The following DPYD variants were observed in gnomAD, a reference collection of about 807,000 sequenced individuals.
DPYD encodes the protein dihydropyrimidine dehydrogenase [NADP(+)].
A neutral mutation model predicts 116.2 loss-of-function variants in DPYD; 109 were observed. The observed-to-expected ratio is 0.94, with a 90% CI of 0.80 to 1.10. The LOEUF is 1.10. Among genes scored for constraint, DPYD ranks in the 50% least tolerant of loss-of-function variants. DPYD has a pLI of 0.00. For missense variants in DPYD, 1,302 were observed against 1,254.5 expected (o/e 1.04, Z -0.57); for synonymous variants, 440 against 432.0 (o/e 1.02, Z -0.23).
chr1:97,451,494 T>C (rs543274238), intron 13 of DPYD, among the ~76,000 whole-genome samples: 3 of 152,332 alleles, frequency 2.0e-5, no homozygotes, highest in South Asian at 4.1e-4. Context: ...TTTTAACTTA[T>C]AGGAATCATG....
intron 5 of DPYD, among the ~76,000 whole-genome samples, chr1:97,710,923 A>T (rs917578655): frequency 2.0e-5 from 3 of 151,564 alleles, no homozygotes; most frequent in Admixed American, 6.6e-5. Flanking sequence ...AAACAACAAT[A>T]AAAAAAACAT....
intron 18 of DPYD, among the ~76,000 whole-genome samples, chr1:97,286,314 T>A (rs996221047): frequency 3.9e-5 from 6 of 152,234 alleles, no homozygotes; most frequent in African/African-American, 1.4e-4. Flanking sequence ...GGCTTCCCTT[T>A]GTGGGTATCC....
chr1:97,665,133 A>T (rs906124779), intron 8 of DPYD, among the ~76,000 whole-genome samples: 1 of 152,140 alleles, frequency 6.6e-6, no homozygotes, highest in Non-Finnish European at 1.5e-5. Flanking sequence ...ATGGGAAAAA[A>T]GGCACAAACA....
At chr1:97,499,119 A>AT (rs952797951) in intron 13 of DPYD, among the ~76,000 whole-genome samples, 10 of 151,608 alleles carry the variant, frequency 6.6e-5, no homozygotes, top group Non-Finnish European at 1.2e-4. Flanking sequence ...CCTCTATCTG[A>AT]TTTTTCTCCC....
In DPYD at chr1:97,691,627, T is replaced by C. The variant is rs1020595974; in HGVS notation, c.762+90A>G. On this transcript the variant is annotated intron_variant, in intron 7 of 22. Coordinates refer to ENST00000370192, the MANE Select transcript of DPYD (RefSeq NM_000110.4). The stretch of plus-strand genomic sequence containing the variant: ...GATGTAGCTTTTAATTGTTCTTTCC[T>C]AAAATGCATGACATTTGCTGTTAAT... 11 of 1,151,352 alleles carry C rather than the reference T, an allele frequency of 9.6e-6. No individual in the cohort carries two copies. The African/African-American group carries it at 1.4e-4, about 14-fold the overall frequency. The allele number at this position is 1,151,352 out of a possible 1,614,324, so 71.3% of individuals were successfully genotyped here. A position where few individuals can be genotyped will look rare whatever the true frequency, so the allele number is the denominator to read the frequency against.
At chr1:97,664,640 A>G (rs947698236) in intron 8 of DPYD, among the ~76,000 whole-genome samples, 1 of 152,064 alleles carries the variant, frequency 6.6e-6, no homozygotes, top group Non-Finnish European at 1.5e-5. Flanking sequence ...TAGAGGTCTT[A>G]GTAGTCCAAA....
At chr1:97,551,008 T>A (rs1397446963) in intron 11 of DPYD, among the ~76,000 whole-genome samples, 1 of 152,132 alleles carries the variant, frequency 6.6e-6, no homozygotes, top group Middle Eastern at 3.2e-3. Flanking sequence ...GATCATAGGT[T>A]CCATGAGAAC....
At chr1:97,541,603 G>A (rs144396747) in intron 12 of DPYD, among the ~76,000 whole-genome samples, 2 of 152,204 alleles carry the variant, frequency 1.3e-5, no homozygotes, top group African/African-American at 2.4e-5. Flanking sequence ...ATATCTATAT[G>A]CTTTAAATAA....
At chr1:97,086,084 C>T (rs574880763) in intron 21 of DPYD, among the ~76,000 whole-genome samples, 4 of 152,216 alleles carry the variant, frequency 2.6e-5, no homozygotes, top group East Asian at 3.9e-4. Flanking sequence ...GACAGAGTCT[C>T]GCTCTGTTGC....
chr1:97,752,323 CAT>C (rs1212553706), intron 3 of DPYD, among the ~76,000 whole-genome samples: 57 of 143,008 alleles, frequency 4.0e-4, no homozygotes, highest in East Asian at 2.3e-3. Flanking sequence ...CACACACACA[CAT>C]ACACACATAC....
chr1:97,334,388 A>G (rs1669179293), intron 16 of DPYD, among the ~76,000 whole-genome samples: 1 of 152,180 alleles, frequency 6.6e-6, no homozygotes, highest in Non-Finnish European at 1.5e-5. Context: ...AGCATGGGGT[A>G]TGGTTGAAGT....
intron 18 of DPYD, among the ~76,000 whole-genome samples, chr1:97,300,081 T>C (rs1156308731): frequency 1.3e-5 from 2 of 152,150 alleles, no homozygotes; most frequent in African/African-American, 2.4e-5. Flanking sequence ...ATATAGTACA[T>C]ACATATTTGT....
intron 3 of DPYD, among the ~76,000 whole-genome samples, chr1:97,812,035 A>C (rs1668372133): frequency 6.6e-6 from 1 of 152,122 alleles, no homozygotes; most frequent in South Asian, 2.1e-4. Context: ...TATAGCTGTG[A>C]CTATTTTCAG....
At chr1:97,710,361 G>C (rs1335631971) in intron 5 of DPYD, among the ~76,000 whole-genome samples, 1 of 151,762 alleles carries the variant, frequency 6.6e-6, no homozygotes, top group East Asian at 1.9e-4. Flanking sequence ...GAAATACTGA[G>C]TACATACTAA....
At chr1:97,471,300 TA>T (rs77978293) in intron 13 of DPYD, among the ~76,000 whole-genome samples, 3 of 151,666 alleles carry the variant, frequency 2.0e-5, no homozygotes, top group Non-Finnish European at 2.9e-5. Flanking sequence ...GGACAGGGAA[TA>T]AAAAAAACCC....
intron 14 of DPYD, among the ~76,000 whole-genome samples, chr1:97,425,521 T>C (rs2101711665): frequency 6.6e-6 from 1 of 152,228 alleles, no homozygotes; most frequent in African/African-American, 2.4e-5. Context: ...TTTCAAAATG[T>C]TAGTCTCCTT....
chr1:97,779,355 G>A (rs1024094899), intron 3 of DPYD, among the ~76,000 whole-genome samples: 2 of 151,742 alleles, frequency 1.3e-5, no homozygotes, highest in African/African-American at 4.8e-5. Context: ...CAATAGCTTA[G>A]ATTTGAAGAA....
At chr1:97,382,257 T>A in intron 15 of DPYD, 136 bp downstream of exon 15, 2 of 493,602 alleles carry the variant, frequency 4.1e-6, no homozygotes, top group Non-Finnish European at 7.1e-6. Flanking sequence ...AAACAAATTA[T>A]AATAGAAATG....
chr1:97,873,093 G>A (rs57363374), intron 2 of DPYD, among the ~76,000 whole-genome samples: 2,021 of 151,950 alleles, frequency 0.013, 49 homozygotes, highest in African/African-American at 0.046. Context: ...AGGCTGTACT[G>A]ACGAAACTTG....
Sources: allele counts gnomAD v4.1 joint callset (sites outside exome capture counted in the v4.1 genomes callset), GRCh38; gene constraint gnomAD v4.1.1; transcripts MANE v1.5; gene names NCBI Gene and HGNC (gene_info 2026-07-23, HGNC 2026-07-21).